WNK4: variants seen among roughly 807,000 people sequenced by gnomAD.
The protein encoded by WNK4 is serine/threonine-protein kinase WNK4.
Under a neutral mutation model 116.2 loss-of-function variants are expected in WNK4, and 94 were observed. The observed-to-expected ratio is 0.81, with a 90% CI of 0.68 to 0.96. The LOEUF is 0.96. WNK4 is among the 40% of genes least tolerant of loss of function. WNK4 has a pLI of 0.00. For missense variants in WNK4, 1,542 were observed against 1,650.6 expected, an observed-to-expected ratio of 0.93 and a Z score of 1.14; for synonymous variants, 655 against 672.7, an observed-to-expected ratio of 0.97 and a Z score of 0.41.
At chr17:42,794,241 T>C (rs2054637442) in intron 12 of WNK4, 1 of 341,710 alleles carries the variant, frequency 2.9e-6, no homozygotes, top group Non-Finnish European at 5.5e-6. Context: ...TACTTTTCTT[T>C]TAACTCATTA....
rs200187290 is a variant in WNK4 at position 42,795,258 on chromosome 17, C to T, written c.2837C>T (p.Pro946Leu). The change falls in exon 14 of 19, where the codon CCT becomes CTT. Residue 946 changes from proline to leucine, a missense_variant. Transcript: ENST00000246914. Reference protein sequence around the residue: ...TVAQSLLSPSPGLLSQSPPAP... With the variant: ...TVAQSLLSPSLGLLSQSPPAP... ...GCCCAGTCCCTGCTGTCCCCCTCAC[C>T]TGGGCTCCTTTCCCAGTCTCCTCCA... 2.0e-5 allele frequency: 32 copies of T among 1,613,924 alleles called. No homozygotes were observed. The highest frequency in any genetic ancestry group is 2.5e-5 in the Non-Finnish European group (29 of 1,179,896).
intron 11 of WNK4, 54 bp from the exon 12 acceptor site, chr17:42,793,538 G>T: frequency 6.2e-7 from 1 of 1,609,610 alleles, no homozygotes; most frequent in Non-Finnish European, 8.5e-7. Context: ...AGCAGGGGGA[G>T]AGGGATGAGT....
chr17:42,796,598 A>AG lies in WNK4; in HGVS notation c.3729+23dup. On this transcript the variant is annotated intron_variant, in intron 18 of 18. Transcript: ENST00000246914. ...AGGATGGTGAGGGCGGGCCCAAGGGAGGGAGAGCCCAGGGAATGGTACCTG... is the reference window on the plus strand; with the variant it reads ...AGGATGGTGAGGGCGGGCCCAAGGGAGGGGAGAGCCCAGGGAATGGTACCTG... The AG allele has an allele frequency of 1.2e-6, 2 of 1,614,140 alleles. No individual in the cohort carries two copies. The highest frequency in any genetic ancestry group is 1.7e-6 in the Non-Finnish European group (2 of 1,180,006).
In WNK4 at chr17:42,784,001, C is replaced by T. The variant is rs1568027045; in HGVS notation, c.856C>T (p.Arg286Trp). 12 of 1,614,068 alleles carry T rather than the reference C, an allele frequency of 7.4e-6. No individual in the cohort carries two copies. The highest frequency in any genetic ancestry group is 1.0e-5 in the Non-Finnish European group (12 of 1,180,022). The change falls in exon 3 of 19, where the codon CGG becomes TGG. Residue 286 changes from arginine to tryptophan, a missense_variant. Transcript: ENST00000246914. The surrounding 1 kb of genome is among the most constrained non-coding windows in gnomAD (Gnocchi z 4.4). The part of the protein sequence containing the change: ...VLQRWSRQIL[R>W]GLHFLHSRVP... ...TCAGCGCTGGAGCCGCCAAATCCTG[C>T]GGGGACTTCATTTCCTACACTCCCG... is the stretch of plus-strand genomic sequence containing the variant.
intron 8 of WNK4, 51 bp downstream of exon 8, chr17:42,787,950 A>G (rs374752056): frequency 1.9e-6 from 3 of 1,607,282 alleles, no homozygotes; most frequent in Non-Finnish European, 2.5e-6. Context: ...CCTATGACCT[A>G]TCTCCCTCCT....
chr17:42,794,471 AGCACATAT>A (rs1237449106), intron 12 of WNK4, 135 bp from the exon 13 acceptor site: 2 of 867,460 alleles, frequency 2.3e-6, no homozygotes, highest in Non-Finnish European at 3.7e-6. Flanking sequence ...TATACATTTC[AGCACATAT>A]GCTTCTGAAT....
intron 11 of WNK4, among the ~76,000 whole-genome samples, chr17:42,791,463 AC>A (rs2054605059): frequency 6.6e-6 from 1 of 151,166 alleles, no homozygotes; most frequent in Non-Finnish European, 1.5e-5. Flanking sequence ...ACATGGAGAA[AC>A]CCCGTCTCTA....
Position 42,781,173 on chromosome 17 carries a change from G to A in WNK4, c.475G>A (p.Asp159Asn), listed in dbSNP as rs1413837426. The change falls in exon 1 of 19, where the codon GAC becomes AAC. Residue 159 changes from aspartate (D) to asparagine (N), a missense_variant. Asp to Asn is a conservative substitution (Grantham distance 23). This residue lies in a region of WNK4 where 44 missense variants were observed against 77.7 expected (regional missense o/e 0.57). Transcript: ENST00000246914. ...GCGGCGGGAGCAGGAAGAAAAGGAG[G>A]ACATGGAGACCCAGGCTGTGGCAAC... is the stretch of plus-strand genomic sequence containing the variant. ...ERRREQEEKE[D>N]METQAVATSP... 3 of 1,614,070 alleles carry A rather than the reference G, an allele frequency of 1.9e-6. No homozygotes were observed. The African/African-American group carries it at 4.0e-5, about 22-fold the overall frequency.
rs943469676 is a variant in WNK4, at chr17:42,782,323, T to C, written c.619-435T>C. Among the ~76,000 whole-genome samples, 9 of 152,206 alleles carry C rather than the reference T, an allele frequency of 5.9e-5. No individual in the cohort carries two copies. Among genetic ancestry groups the C allele is most frequent in the African/African-American group, 1.9e-4 (8 of 41,438 alleles). On this transcript the variant is annotated intron_variant, in intron 1 of 18. Coordinates refer to ENST00000246914, the MANE Select transcript of WNK4 (RefSeq NM_032387.5). This position sits in a 1 kb window ranked among gnomAD's most constrained non-coding sequence, Gnocchi z 4.2. ...CTCCATATCCCTCCCGCCTTCCGTC[T>C]GGATCTAGCAGTTCTGTTTCTGGGG...
intron 11 of WNK4, among the ~76,000 whole-genome samples, chr17:42,790,783 G>A (rs991569058): frequency 6.6e-6 from 1 of 152,126 alleles, no homozygotes; most frequent in African/African-American, 2.4e-5. Flanking sequence ...ACCAGTTTCA[G>A]TGGAGTGGGG....
At chr17:42,787,134 G>A (rs1174273008) in intron 6 of WNK4, 144 bp from the exon 7 acceptor site, 19 of 1,183,988 alleles carry the variant, frequency 1.6e-5, no homozygotes, top group Non-Finnish European at 2.3e-5. Context: ...ATAATGTAAG[G>A]AGCTGCCAGT....
In WNK4 at chr17:42,781,011, C is replaced by A. The variant is rs770042278; in HGVS notation, c.313C>A (p.Pro105Thr). The change falls in exon 1 of 19, where the codon CCC (proline) becomes ACC (threonine). Residue 105 changes from proline to threonine, a missense_variant. By Grantham distance (38) the Pro-to-Thr change is conservative. This residue lies in a region of WNK4 where 243 missense variants were observed against 217.8 expected (regional missense o/e 1.12). Transcript: ENST00000246914. ...GAGCCCACCGCCTAGCTCCAAAGAA[C>A]CCCCCGAGGGCACGTGGACCGAGGG... ...ARSPPPSSKE[P>T]PEGTWTEGAP... is the part of the protein sequence containing the mutation. 3.5e-5 allele frequency: 56 copies of A among 1,609,980 alleles called. No individual in the cohort carries two copies. Among genetic ancestry groups the A allele is most frequent in the Non-Finnish European group, 4.3e-5 (51 of 1,179,160 alleles).
intron 12 of WNK4, 102 bp downstream of exon 12, chr17:42,793,831 T>C (rs774882434): frequency 1.4e-6 from 2 of 1,451,476 alleles, no homozygotes; most frequent in Admixed American, 3.8e-5. Context: ...CTCCTCTTCA[T>C]CTCTGGGACC....
At position 42,787,782 on chromosome 17, in the gene WNK4, T is replaced by C; in HGVS notation, c.1746T>C (p.Asp582=). 2 of 1,612,126 alleles carry C rather than the reference T, an allele frequency of 1.2e-6. No individual in the cohort carries two copies. The highest frequency in any genetic ancestry group is 1.7e-6 in the Non-Finnish European group (2 of 1,180,002). ...RHASYSSTTS[D]CETDGYLSSS... is the part of the protein sequence containing the mutation. ...ATCCTCTCCCTCCCCAACCAGCGGA[T>C]TGCGAGACTGATGGCTACCTCAGCT... is the stretch of plus-strand genomic sequence containing the variant. Residue 582 remains aspartate (D), a synonymous_variant, in exon 8 of 19, where the codon GAT becomes GAC. Coordinates refer to ENST00000246914, the MANE Select transcript of WNK4 (RefSeq NM_032387.5).
At position 42,794,841 on chromosome 17, in the gene WNK4, C is replaced by T; in HGVS notation, c.2420C>T (p.Pro807Leu). 6.2e-7 allele frequency: 1 copy of T among 1,613,970 alleles called. No individual in the cohort carries two copies. Among genetic ancestry groups the T allele is most frequent in the Non-Finnish European group, 8.5e-7 (1 of 1,179,974 alleles). Residue 807 changes from proline to leucine, a missense_variant, in exon 14 of 19, where the codon CCT becomes CTT. Pro to Leu is a moderately conservative substitution (Grantham distance 98). This residue lies in a region of WNK4 where 808 missense variants were observed against 873.6 expected (regional missense o/e 0.92). Transcript: ENST00000246914. ...WTAFSTSSSS[P>L]GTPLSPGNPF... ...GCCTTCTCCACCTCCTCATCTTCTCCTGGAACTCCTTTGTCTCCTGGAAAC... is the reference window on the plus strand; with the variant it reads ...GCCTTCTCCACCTCCTCATCTTCTCTTGGAACTCCTTTGTCTCCTGGAAAC...
chr17:42,789,188 G>C (rs1479699735), intron 11 of WNK4, among the ~76,000 whole-genome samples: 1 of 152,158 alleles, frequency 6.6e-6, no homozygotes, highest in Non-Finnish European at 1.5e-5. Flanking sequence ...GGGTGTCCCT[G>C]TGCAGGGACA....
chr17:42,781,758 G>A (rs1160218396), intron 1 of WNK4, among the ~76,000 whole-genome samples: 2 of 152,270 alleles, frequency 1.3e-5, no homozygotes, highest in Non-Finnish European at 2.9e-5. Context: ...GCTGGGATGC[G>A]GGAAGCCAGG....
At chr17:42,783,011 ACTCT>A in intron 2 of WNK4, 81 bp downstream of exon 2, 1 of 1,541,096 alleles carries the variant, frequency 6.5e-7, no homozygotes, top group East Asian at 2.4e-5. Context: ...GGCTCCTCAA[ACTCT>A]CTAATATCCA....
At chr17:42,786,286 G>T (rs2054548862) in intron 6 of WNK4, among the ~76,000 whole-genome samples, 1 of 152,206 alleles carries the variant, frequency 6.6e-6, no homozygotes, top group Admixed American at 6.5e-5. Flanking sequence ...AAAGCTTGCG[G>T]CTAAAAGGAA....
Sources: allele counts gnomAD v4.1 joint callset (sites outside exome capture counted in the v4.1 genomes callset), GRCh38; gene constraint gnomAD v4.1.1; regional missense constraint gnomAD v4.1.1; non-coding constraint Gnocchi (gnomAD v3.1); transcripts MANE v1.5; gene names NCBI Gene and HGNC (gene_info 2026-07-23, HGNC 2026-07-21).